Variants in CDH2 observed in about 807,000 individuals in gnomAD.
CDH2 encodes the protein cadherin-2.
Under a neutral mutation model 92.0 loss-of-function variants are expected in CDH2, and 17 were observed. That is an observed-to-expected ratio of 0.18 (90% CI 0.13 to 0.28). The LOEUF is 0.28. Ranked by LOEUF, CDH2 falls within the 10% of genes least tolerant of loss-of-function variation. The pLI is 1.00. For missense variants in CDH2, 862 were observed against 1,133.1 expected, an observed-to-expected ratio of 0.76 and a Z score of 3.44; for synonymous variants, 419 against 415.9, an observed-to-expected ratio of 1.01 and a Z score of -0.09.
At position 28,166,149 on chromosome 18, in the gene CDH2, CATATATATATAT is replaced by C. The variant is rs35562216; in HGVS notation, c.60+10802_60+10813del. 8.8e-4 allele frequency among the ~76,000 whole-genome samples: 52 copies of C among 59,292 alleles called. 1 individual carries two copies. Among genetic ancestry groups the C allele is most frequent in the Non-Finnish European group, 1.3e-3 (42 of 33,014 alleles). 38.9% of individuals were successfully genotyped at this position (59,292 alleles called of 152,430 possible). ...CAAAGAGGAGTAATTCAGACACACT[CATATATATATAT>C]ATATATATATATGTCTGTATTTTAA... is the stretch of plus-strand genomic sequence containing the variant. On this transcript the variant is annotated intron_variant, in intron 1 of 15. Coordinates refer to ENST00000269141, the MANE Select transcript of CDH2 (RefSeq NM_001792.5).
chr18:27,990,452 C>T (rs1301989019), intron 9 of CDH2, 102 bp from the exon 10 acceptor site: 2 of 1,042,380 alleles, frequency 1.9e-6, no homozygotes, highest in African/African-American at 3.2e-5. Context: ...TTAATTTCTT[C>T]ATTCACTACA....
intron 2 of CDH2, among the ~76,000 whole-genome samples, chr18:28,044,866 T>TGTGTGC (rs1555636013): frequency 1.3e-5 from 2 of 151,946 alleles, no homozygotes; most frequent in Admixed American, 1.3e-4. Flanking sequence ...TGTGTGTGTG[T>TGTGTGC]GTGTGTGTGT....
At chr18:28,142,619 G>A (rs1024065213) in intron 2 of CDH2, among the ~76,000 whole-genome samples, 1 of 151,776 alleles carries the variant, frequency 6.6e-6, no homozygotes, top group African/African-American at 2.4e-5. Flanking sequence ...CCCTGAGAAT[G>A]TACAGGATGA....
At chr18:28,105,185 T>C (rs1599104346) in intron 2 of CDH2, among the ~76,000 whole-genome samples, 1 of 152,324 alleles carries the variant, frequency 6.6e-6, no homozygotes, top group African/African-American at 2.4e-5. Flanking sequence ...GTTCTAAAAA[T>C]CTATGAATCT....
rs11875905 is a variant in CDH2 at position 28,018,239 on chromosome 18, A to T, written c.173-4330T>A. Among the ~76,000 whole-genome samples the T allele has an allele frequency of 2.7e-3, 409 of 152,180 alleles. 3 individuals carry two copies. The highest frequency in any genetic ancestry group is 9.4e-3 in the African/African-American group (391 of 41,538). On this transcript the variant is annotated intron_variant, in intron 2 of 15. Coordinates refer to ENST00000269141, the MANE Select transcript of CDH2 (RefSeq NM_001792.5). ...ACTGCTGAAAAAAATCACAGATGAC[A>T]CAAACAAATGGAAACACATACCATG...
At chr18:28,005,786 T>C (rs1430963421) in intron 6 of CDH2, 63 bp downstream of exon 6, 3 of 1,185,850 alleles carry the variant, frequency 2.5e-6, no homozygotes, top group Admixed American at 4.1e-5. Context: ...CTTGCTCATA[T>C]AACAGGGCTG....
At chr18:28,103,985 A>C (rs2015279981) in intron 2 of CDH2, among the ~76,000 whole-genome samples, 1 of 152,166 alleles carries the variant, frequency 6.6e-6, no homozygotes, top group Non-Finnish European at 1.5e-5. Flanking sequence ...GCCCAGGAGA[A>C]GTTGGGGCAC....
At chr18:28,142,011 A>G (rs958307554) in intron 2 of CDH2, among the ~76,000 whole-genome samples, 4 of 151,740 alleles carry the variant, frequency 2.6e-5, no homozygotes, top group Non-Finnish European at 5.9e-5. Context: ...CATTCTCCCT[A>G]TTTCCCTTCT....
intron 2 of CDH2, among the ~76,000 whole-genome samples, chr18:28,021,054 G>C (rs746063951): frequency 6.6e-6 from 1 of 151,838 alleles, no homozygotes; most frequent in Non-Finnish European, 1.5e-5. Flanking sequence ...TGGTTGTCTC[G>C]TTGTCAATAT....
intron 7 of CDH2, 50 bp from the exon 8 acceptor site, chr18:27,993,687 G>T: frequency 7.1e-7 from 1 of 1,398,850 alleles, no homozygotes; most frequent in Non-Finnish European, 1.0e-6. Context: ...TCCTCAAGAA[G>T]ACATAACAGT....
downstream of CDH2, among the ~76,000 whole-genome samples, chr18:27,948,193 T>C (rs543110753): frequency 3.4e-4 from 48 of 141,086 alleles, no homozygotes; most frequent in Non-Finnish European, 5.3e-4. Flanking sequence ...TGGGTTTATA[T>C]TGAAGTTTTT....
intron 2 of CDH2, among the ~76,000 whole-genome samples, chr18:28,121,139 G>T (rs1012900192): frequency 6.6e-6 from 1 of 152,084 alleles, no homozygotes; most frequent in African/African-American, 2.4e-5. Flanking sequence ...AAAAATGACC[G>T]CAAGAAATCC....
intron 14 of CDH2, chr18:27,963,785 T>A (rs1216846870): frequency 7.1e-6 from 3 of 423,650 alleles, no homozygotes; most frequent in Non-Finnish European, 1.3e-5. Context: ...AGCAGTGTGA[T>A]GAGGTCTCAC....
intron 6 of CDH2, among the ~76,000 whole-genome samples, chr18:27,936,059 TTA>T (rs1909011146): frequency 6.6e-6 from 1 of 152,174 alleles, no homozygotes. Context: ...GTGTTTGGTT[TTA>T]TGTTTTTCAT....
At chr18:27,957,067 T>A (rs953082011) in intron 15 of CDH2, among the ~76,000 whole-genome samples, 1 of 152,044 alleles carries the variant, frequency 6.6e-6, no homozygotes, top group Non-Finnish European at 1.5e-5. Context: ...TGCACTTCTA[T>A]GTTGTTTATT....
intron 1 of CDH2, 40 bp downstream of exon 1, chr18:28,176,923 C>A: frequency 8.3e-7 from 1 of 1,201,808 alleles, no homozygotes; most frequent in Non-Finnish European, 1.0e-6. Context: ...CCGCCCGCCC[C>A]ACCCCGCCCG....
At chr18:27,984,851 A>C (rs990721965) in intron 13 of CDH2, 149 bp downstream of exon 13, 5 of 623,198 alleles carry the variant, frequency 8.0e-6, no homozygotes, top group African/African-American at 1.8e-5. Flanking sequence ...TCTAAAGTGG[A>C]CTTGGTCGAC....
chr18:27,947,259 G>GA (rs964332151), downstream of CDH2, among the ~76,000 whole-genome samples: 2 of 151,584 alleles, frequency 1.3e-5, no homozygotes, highest in African/African-American at 4.8e-5. Flanking sequence ...AGTATCACTA[G>GA]AAAAAATGCT....
chr18:28,034,248 T>C (rs1173132499), intron 2 of CDH2, among the ~76,000 whole-genome samples: 1 of 152,028 alleles, frequency 6.6e-6, no homozygotes, highest in African/African-American at 2.4e-5. Flanking sequence ...ACTAAAACCA[T>C]GCATACGCTA....
Sources: gnomAD v4.1 joint callset for allele counts (sites outside exome capture counted in the v4.1 genomes callset) on GRCh38, gnomAD v4.1.1 for gene constraint, MANE v1.5 for transcripts, NCBI Gene and HGNC (gene_info 2026-07-23, HGNC 2026-07-21) for gene names.